Variants in ZNF654 observed in about 807,000 individuals in gnomAD.
ZNF654 encodes the protein zinc finger protein 654.
ZNF654 carries 19 observed loss-of-function variants against 95.3 expected under a neutral mutation model. The ratio of observed to expected loss-of-function variants is 0.20; its 90% confidence interval spans 0.14 to 0.29. ZNF654 has a LOEUF of 0.29. Ranked by LOEUF, ZNF654 falls within the 10% of genes least tolerant of loss-of-function variation. ZNF654 has a pLI of 1.00. For synonymous variants in ZNF654, 413 were observed against 457.9 expected (o/e 0.90, Z 1.25); for missense variants, 1,046 against 1,341.0 (o/e 0.78, Z 3.44).
At chr3:88,077,321 G>A (rs1707860467) in intron 1 of ZNF654, among the ~76,000 whole-genome samples, 1 of 151,182 alleles carries the variant, frequency 6.6e-6, no homozygotes, top group South Asian at 2.1e-4. Context: ...AGAAAAAGTT[G>A]CAGACTTAAA....
intron 1 of ZNF654, among the ~76,000 whole-genome samples, chr3:88,060,382 G>A (rs1178989177): frequency 2.0e-5 from 3 of 152,078 alleles, no homozygotes; most frequent in African/African-American, 4.8e-5. Flanking sequence ...ACTTTTTTAG[G>A]GGTAAAGTTT....
At chr3:88,121,903 A>G (rs1705792288) in intron 3 of ZNF654, among the ~76,000 whole-genome samples, 1 of 152,170 alleles carries the variant, frequency 6.6e-6, no homozygotes, top group Non-Finnish European at 1.5e-5. Context: ...GCTTCCATTT[A>G]CACAGATTTC....
chr3:88,137,652 C>T (rs1202681003), intron 7 of ZNF654, among the ~76,000 whole-genome samples: 6 of 151,894 alleles, frequency 4.0e-5, no homozygotes, highest in Non-Finnish European at 5.9e-5. Context: ...GGGCAGAGAC[C>T]AGGATAAGTG....
At chr3:88,108,627 T>C (rs1704892213) in intron 2 of ZNF654, among the ~76,000 whole-genome samples, 1 of 152,326 alleles carries the variant, frequency 6.6e-6, no homozygotes, top group Non-Finnish European at 1.5e-5. Flanking sequence ...CTACACTGTA[T>C]ACGCTACCTG....
intron 2 of ZNF654, among the ~76,000 whole-genome samples, chr3:88,106,644 T>A (rs1445742052): frequency 1.3e-5 from 2 of 152,122 alleles, no homozygotes; most frequent in Non-Finnish European, 2.9e-5. Flanking sequence ...GCCTCGGCCC[T>A]TTTTTTCATT....
chr3:88,093,201 T>G (rs1418950363), intron 2 of ZNF654, among the ~76,000 whole-genome samples: 2 of 152,204 alleles, frequency 1.3e-5, no homozygotes, highest in African/African-American at 2.4e-5. Flanking sequence ...GTTTTTTCCT[T>G]TTGCCTTGTT....
chr3:88,067,336 T>C (rs148605200), intron 1 of ZNF654, among the ~76,000 whole-genome samples: 1 of 152,356 alleles, frequency 6.6e-6, no homozygotes, highest in Admixed American at 6.5e-5. Flanking sequence ...TAAGGTGCTT[T>C]TGCCTCATCC....
intron 2 of ZNF654, among the ~76,000 whole-genome samples, chr3:88,091,240 A>C (rs1414411419): frequency 2.0e-5 from 3 of 152,248 alleles, no homozygotes; most frequent in Non-Finnish European, 4.4e-5. Context: ...TCAGAACCAC[A>C]GAAGTGTTGG....
intron 2 of ZNF654, among the ~76,000 whole-genome samples, chr3:88,108,720 T>G (rs1254472779): frequency 6.6e-6 from 1 of 152,134 alleles, no homozygotes. Context: ...TAACCCTTAT[T>G]TTACTTAATA....
intron 1 of ZNF654, among the ~76,000 whole-genome samples, chr3:88,074,544 G>T (rs567542758): frequency 9.2e-5 from 14 of 152,090 alleles, no homozygotes; most frequent in African/African-American, 3.1e-4. Context: ...ATTTCACCAT[G>T]TTGGCCAGGC....
intron 2 of ZNF654, among the ~76,000 whole-genome samples, chr3:88,093,443 C>G (rs1439146321): frequency 6.6e-6 from 1 of 152,156 alleles, no homozygotes; most frequent in Admixed American, 6.6e-5. Context: ...AGGTATTTGC[C>G]TGACGGCCAC....
In ZNF654 at chr3:88,059,270, G is replaced by T; in HGVS notation, c.-50G>T. On this transcript the variant is annotated 5_prime_UTR_variant, in exon 1 of 9. Coordinates refer to ENST00000636215, the MANE Select transcript of ZNF654 (RefSeq NM_001350134.2). ...GGAGGAGGTTAGCCTAGGCATCTACGGCGGCGGCGGCGGCGCAGGGGCTGG... is the reference window on the plus strand; with the variant it reads ...GGAGGAGGTTAGCCTAGGCATCTACTGCGGCGGCGGCGGCGCAGGGGCTGG... The T allele has an allele frequency of 1.3e-6, 2 of 1,526,696 alleles. No homozygotes were observed. Among genetic ancestry groups the T allele is most frequent in the Non-Finnish European group, 1.7e-6 (2 of 1,143,294 alleles). The allele number at this position is 1,526,696 out of a possible 1,614,324, so 94.6% of individuals were successfully genotyped here.
intron 2 of ZNF654, among the ~76,000 whole-genome samples, chr3:88,109,165 G>GTA (rs1237887938): frequency 6.6e-6 from 1 of 151,620 alleles, no homozygotes; most frequent in Non-Finnish European, 1.5e-5. Flanking sequence ...GTGTGTGTGT[G>GTA]TGTGTGTGTG....
At chr3:88,115,832 G>C (rs1705355633) in intron 3 of ZNF654, among the ~76,000 whole-genome samples, 1 of 152,010 alleles carries the variant, frequency 6.6e-6, no homozygotes, top group South Asian at 2.1e-4. Context: ...CAGTTTTCGA[G>C]ATTCCCAATG....
At chr3:88,129,595 A>G (rs1408338851) in intron 5 of ZNF654, 92 bp from the exon 6 acceptor site, 1 of 1,021,390 alleles carries the variant, frequency 9.8e-7, no homozygotes, top group African/African-American at 1.6e-5. Context: ...CTAGAAATCT[A>G]AGCAATTTCT....
intron 1 of ZNF654, among the ~76,000 whole-genome samples, chr3:88,071,866 CT>C (rs1337084021): frequency 6.6e-6 from 1 of 152,162 alleles, no homozygotes. Context: ...TTGTACTGTA[CT>C]TTTAAGACTT....
At chr3:88,098,842 A>T (rs1332656289) in intron 2 of ZNF654, among the ~76,000 whole-genome samples, 1 of 152,214 alleles carries the variant, frequency 6.6e-6, no homozygotes, top group African/African-American at 2.4e-5. Flanking sequence ...ATCTCAAAAT[A>T]ATAAGAGCTA....
At chr3:88,126,297 A>C in intron 4 of ZNF654, 28 bp downstream of exon 4, 1 of 1,433,946 alleles carries the variant, frequency 7.0e-7, no homozygotes, top group Non-Finnish European at 9.2e-7. Flanking sequence ...AAATCAAACC[A>C]ACATTTGTGA....
chr3:88,131,267 ACT>A (rs777358274), intron 6 of ZNF654, among the ~76,000 whole-genome samples: 11 of 152,312 alleles, frequency 7.2e-5, no homozygotes, highest in Non-Finnish European at 1.6e-4. Context: ...TTGTGTGACC[ACT>A]GTTGTATACG....
Sources: gnomAD v4.1 joint callset for allele counts (sites outside exome capture counted in the v4.1 genomes callset) on GRCh38, gnomAD v4.1.1 for gene constraint, MANE v1.5 for transcripts, NCBI Gene and HGNC (gene_info 2026-07-23, HGNC 2026-07-21) for gene names.